The following MYO5C variants were observed in gnomAD, a reference collection of about 807,000 sequenced individuals.
The protein encoded by MYO5C is unconventional myosin-Vc.
In MYO5C, 194 loss-of-function variants were observed where a neutral mutation model predicts 235.7. That is an observed-to-expected ratio of 0.82 (90% confidence interval 0.73 to 0.93). MYO5C has a LOEUF of 0.93. Ranked by LOEUF, MYO5C falls within the 40% of genes least tolerant of loss-of-function variation. MYO5C has a pLI of 0.00. For missense variants in MYO5C, 2,038 were observed against 2,127.2 expected (o/e 0.96, Z 0.82); for synonymous variants, 707 against 754.8 (o/e 0.94, Z 1.04).
At chr15:52,260,025 A>G (rs977988034) in intron 10 of MYO5C, among the ~76,000 whole-genome samples, 25 of 152,228 alleles carry the variant, frequency 1.6e-4, no homozygotes, top group Non-Finnish European at 4.4e-5. Context: ...TTAAGAAACC[A>G]GGGTGGGTCC....
chr15:52,235,742 G>A lies in MYO5C; in HGVS notation c.2890C>T (p.His964Tyr), dbSNP rs774690595. Residue 964 changes from histidine to tyrosine, a missense_variant, in exon 23 of 41, where the codon CAT (histidine) becomes TAT (tyrosine). Physicochemically the swap from His to Tyr is moderately conservative, Grantham distance 83. Coordinates refer to ENST00000261839, the MANE Select transcript of MYO5C (RefSeq NM_018728.4). Reference protein sequence around the residue: ...VEEKLAKLQKHNSELETQKEQ... With the variant: ...VEEKLAKLQKYNSELETQKEQ... ...TTCTGTGTTTCCAGTTCTGAATTAT[G>A]CTTCTGAAGCTTTGCCAATTTCTAG... 3 of 1,609,568 alleles carry A rather than the reference G, an allele frequency of 1.9e-6. No homozygotes were observed. In the African/African-American group the frequency reaches 4.0e-5, roughly 21 times the overall value.
chr15:52,282,857 A>G lies in MYO5C; in HGVS notation c.63T>C (p.Val21=). 1 of 1,614,112 alleles carries G rather than the reference A, an allele frequency of 6.2e-7. No homozygotes were observed. Among genetic ancestry groups the G allele is most frequent in the Non-Finnish European group, 8.5e-7 (1 of 1,179,940 alleles). Residue 21 remains valine (V), a synonymous_variant, in exon 2 of 41, where the codon GTT becomes GTC. Transcript: ENST00000261839. ...CCTTGGCTATTTCAGCAGACTTCCA[A>G]ACTTCTTCAGGATCGGGAATCCAGA... ...NRVWIPDPEE[V]WKSAEIAKDY... is the part of the protein sequence containing the mutation.
chr15:52,286,937 TA>T (rs1056891976), intron 1 of MYO5C, among the ~76,000 whole-genome samples: 83 of 50,198 alleles, frequency 1.7e-3, no homozygotes, highest in Middle Eastern at 0.011. Context: ...GAATGATCAA[TA>T]AAAAAAAAAA....
chr15:52,199,918 G>A (rs141301523), intron 38 of MYO5C, among the ~76,000 whole-genome samples: 1 of 152,166 alleles, frequency 6.6e-6, no homozygotes, highest in South Asian at 2.1e-4. Context: ...GCACCAAAAA[G>A]GGGGCAGAAA....
At chr15:52,213,322 A>G in intron 33 of MYO5C, 36 bp from the exon 34 acceptor site, 1 of 1,510,180 alleles carries the variant, frequency 6.6e-7, no homozygotes, top group Non-Finnish European at 9.2e-7. Flanking sequence ...TAAATACACA[A>G]AAGCAGCTTT....
At chr15:52,246,327 A>C (rs1219131819) in intron 16 of MYO5C, among the ~76,000 whole-genome samples, 1 of 152,220 alleles carries the variant, frequency 6.6e-6, no homozygotes, top group Non-Finnish European at 1.5e-5. Flanking sequence ...CCAGGTGGAA[A>C]GAAATATGCT....
At chr15:52,284,996 T>G (rs2037231177) in intron 1 of MYO5C, among the ~76,000 whole-genome samples, 1 of 152,190 alleles carries the variant, frequency 6.6e-6, no homozygotes, top group African/African-American at 2.4e-5. Flanking sequence ...TAAGCCATCA[T>G]GCCTGACCTG....
intron 31 of MYO5C, among the ~76,000 whole-genome samples, 192 bp downstream of exon 31, chr15:52,219,567 C>T (rs2035631374): frequency 6.6e-6 from 1 of 152,210 alleles, no homozygotes; most frequent in South Asian, 2.1e-4. Flanking sequence ...TAACAATCTC[C>T]CAGAGATGCT....
Position 52,260,844 on chromosome 15 carries a change from C to T in MYO5C, c.1313+18G>A, listed in dbSNP as rs200723531. On this transcript the variant is annotated intron_variant, in intron 10 of 40. Coordinates refer to ENST00000261839, the MANE Select transcript of MYO5C (RefSeq NM_018728.4). The stretch of plus-strand genomic sequence containing the variant: ...ACATTTAAAGGAGGAAAGACAGGCT[C>T]ACTGAAGAGAATCTTACCCATAAAT... The T allele has an allele frequency of 1.4e-3, 2,240 of 1,611,842 alleles. No individual in the cohort carries two copies. The highest frequency in any genetic ancestry group is 1.8e-3 in the Non-Finnish European group (2,080 of 1,178,304).
At chr15:52,205,530 C>A in intron 37 of MYO5C, 1 of 323,086 alleles carries the variant, frequency 3.1e-6, no homozygotes, top group Non-Finnish European at 5.6e-6. Flanking sequence ...TACTTGGCTA[C>A]GCCAAGAAGT....
At position 52,294,260 on chromosome 15, in the gene MYO5C, C is replaced by T. The variant is rs181150351; in HGVS notation, c.27+1350G>A. On this transcript the variant is annotated intron_variant, in intron 1 of 40. Transcript: ENST00000261839. ...TTTTCTCTGTCCTCCAAAGTATCGT[C>T]GAAGACTAGTCCAAGACTTTTCTTT... 1.8e-3 allele frequency among the ~76,000 whole-genome samples: 268 copies of T among 152,346 alleles called. 1 individual carries two copies. In the Middle Eastern group the frequency reaches 0.02, roughly 12 times the overall value.
intron 5 of MYO5C, among the ~76,000 whole-genome samples, chr15:52,273,845 G>T (rs770730489): frequency 6.6e-6 from 1 of 151,988 alleles, no homozygotes; most frequent in Non-Finnish European, 1.5e-5. Flanking sequence ...AGAATATGAG[G>T]TGCCTCAACT....
At chr15:52,276,104 C>T (rs551914635) in intron 4 of MYO5C, among the ~76,000 whole-genome samples, 2 of 152,298 alleles carry the variant, frequency 1.3e-5, no homozygotes, top group Non-Finnish European at 2.9e-5. Flanking sequence ...TGAGCACCCT[C>T]TTTCTAGATG....
At chr15:52,279,705 G>T (rs780547551) in intron 2 of MYO5C, 31 bp from the exon 3 acceptor site, 5 of 1,585,144 alleles carry the variant, frequency 3.2e-6, no homozygotes, top group Non-Finnish European at 4.3e-6. Context: ...TAAAGCTCTG[G>T]AAATAAAAGA....
chr15:52,218,207 C>G (rs2035596557), intron 32 of MYO5C, among the ~76,000 whole-genome samples: 1 of 152,182 alleles, frequency 6.6e-6, no homozygotes, highest in South Asian at 2.1e-4. Flanking sequence ...GTAGGCCTTG[C>G]TATCCTCAGT....
At chr15:52,221,716 C>T (rs2035691779) in intron 29 of MYO5C, among the ~76,000 whole-genome samples, 1 of 152,168 alleles carries the variant, frequency 6.6e-6, no homozygotes, top group Non-Finnish European at 1.5e-5. Context: ...AATCCTTTGT[C>T]CCTATCTGTA....
Position 52,235,652 on chromosome 15 carries a change from G to C in MYO5C, c.2962+18C>G. 6.3e-7 allele frequency: 1 copy of C among 1,579,892 alleles called. No individual in the cohort carries two copies. The highest frequency in any genetic ancestry group is 8.7e-7 in the Non-Finnish European group (1 of 1,155,902). ...ACTAAATCAGTGAATGTCTGGATTT[G>C]TGCCCCCCAAGCTTTACCTTTTAAC... is the stretch of plus-strand genomic sequence containing the variant. On this transcript the variant is annotated intron_variant, in intron 23 of 40. Transcript: ENST00000261839.
chr15:52,272,243 C>T lies in MYO5C; in HGVS notation c.750+337G>A, dbSNP rs1401858433. ...CCCTCAATAGCTCTGATCCCATTCCCTTCCTGATAGGAAAGCCAGTCTGTC... is the reference window on the plus strand; with the variant it reads ...CCCTCAATAGCTCTGATCCCATTCCTTTCCTGATAGGAAAGCCAGTCTGTC... On this transcript the variant is annotated intron_variant, in intron 6 of 40. Coordinates refer to ENST00000261839, the MANE Select transcript of MYO5C (RefSeq NM_018728.4). Among the ~76,000 whole-genome samples the T allele has an allele frequency of 2.0e-5, 3 of 152,212 alleles. No individual in the cohort carries two copies. In the East Asian group the frequency reaches 5.8e-4, roughly 29 times the overall value.
chr15:52,222,695 G>T (rs149006076), intron 29 of MYO5C, among the ~76,000 whole-genome samples: 7 of 152,194 alleles, frequency 4.6e-5, no homozygotes, highest in Non-Finnish European at 4.4e-5. Flanking sequence ...GTCTGACTAA[G>T]ACCCCAAAGA....
Sources: gnomAD v4.1 joint callset for allele counts (sites outside exome capture counted in the v4.1 genomes callset) on GRCh38, gnomAD v4.1.1 for gene constraint, MANE v1.5 for transcripts, NCBI Gene and HGNC (gene_info 2026-07-23, HGNC 2026-07-21) for gene names.